The following GATD3 variants were observed in gnomAD, a reference collection of about 807,000 sequenced individuals.
GATD3 encodes the protein glutamine amidotransferase-like class 1 domain-containing protein 3, mitochondrial.
At chr21:44,139,588 C>T in the GATD3 span, among the ~76,000 whole-genome samples, 11 of 73,526 alleles carry the variant, frequency 1.5e-4, 2 homozygotes, top group African/African-American at 2.7e-4. Context: ...AGTATGGACC[C>T]GGGGTAGCGT....
At chr21:44,145,628 T>C in the GATD3 span, 2 of 398,486 alleles carry the variant, frequency 5.0e-6, 1 homozygote, top group Non-Finnish European at 7.2e-6. Flanking sequence ...GGAGTGATGG[T>C]AGCGTTGGTG....
At chr21:44,139,904 C>T in the GATD3 span, among the ~76,000 whole-genome samples, 322 of 131,738 alleles carry the variant, frequency 2.4e-3, 3 homozygotes, top group African/African-American at 8.1e-3. Context: ...ACACAGCCAA[C>T]GTCGTAACAG....
At chr21:44,142,517 T>C in the GATD3 span, among the ~76,000 whole-genome samples, 6 of 71,464 alleles carry the variant, frequency 8.4e-5, 3 homozygotes, top group South Asian at 7.7e-4. Context: ...CTGAAGGCCC[T>C]GCTGTGGGCA....
chr21:44,144,799 CT>C, the GATD3 span: 30 of 91,184 alleles, frequency 3.3e-4, 2 homozygotes, highest in Middle Eastern at 5.8e-3. Context: ...TGCTGGGTGG[CT>C]TTTTCCGTAA....
the GATD3 span, chr21:44,133,762 C>G: frequency 1.1e-5 from 6 of 554,032 alleles, 2 homozygotes; most frequent in Non-Finnish European, 1.7e-5. Flanking sequence ...ACGTCCCTGT[C>G]CCCCGGCGGT....
At chr21:44,139,579 G>A in the GATD3 span, among the ~76,000 whole-genome samples, 8 of 73,680 alleles carry the variant, frequency 1.1e-4, 2 homozygotes, top group African/African-American at 1.8e-4. Flanking sequence ...AGTTCCAACA[G>A]TATGGACCCG....
the GATD3 span, among the ~76,000 whole-genome samples, chr21:44,142,551 CTG>C: frequency 1.2e-4 from 9 of 74,576 alleles, 2 homozygotes; most frequent in African/African-American, 2.6e-4. Context: ...ACAGGGGCCT[CTG>C]TTGACTTGGC....
the GATD3 span, among the ~76,000 whole-genome samples, chr21:44,142,754 G>C: frequency 1.5e-4 from 11 of 74,572 alleles, 5 homozygotes; most frequent in Non-Finnish European, 4.0e-4. Context: ...CCTGTAGAAG[G>C]GGGGCTGGTG....
chr21:44,144,304 A>G, the GATD3 span, among the ~76,000 whole-genome samples: 1 of 70,442 alleles, frequency 1.4e-5, no homozygotes, highest in African/African-American at 3.2e-5. Flanking sequence ...CAGTGGTTAC[A>G]TGCATGGTGT....
chr21:44,141,970 C>G, the GATD3 span, among the ~76,000 whole-genome samples: 2 of 51,400 alleles, frequency 3.9e-5, 1 homozygote, highest in Non-Finnish European at 1.0e-4. Context: ...TCAGGACATG[C>G]AGTTTTGGGG....
chr21:44,139,665 A>G, the GATD3 span, among the ~76,000 whole-genome samples: 3 of 73,980 alleles, frequency 4.1e-5, 1 homozygote, highest in African/African-American at 8.9e-5. Context: ...AAACTGTCTG[A>G]GCCTCTGGAA....
chr21:44,142,700 T>G, the GATD3 span, among the ~76,000 whole-genome samples: 64 of 76,356 alleles, frequency 8.4e-4, 14 homozygotes, highest in African/African-American at 1.7e-3. Context: ...AGAGTTGTGC[T>G]GCAGGTCGGA....
chr21:44,142,664 G>A, the GATD3 span, among the ~76,000 whole-genome samples: 1 of 75,972 alleles, frequency 1.3e-5, no homozygotes, highest in African/African-American at 2.9e-5. Flanking sequence ...GGTCAGGGGC[G>A]TGCGTCCACC....
At chr21:44,141,180 C>A in the GATD3 span, 3 of 534,870 alleles carry the variant, frequency 5.6e-6, 1 homozygote, top group Non-Finnish European at 8.5e-6. Flanking sequence ...ACTTAAGGAC[C>A]TGCCTGGTCA....
the GATD3 span, among the ~76,000 whole-genome samples, chr21:44,139,908 G>A: frequency 1.6e-5 from 2 of 128,796 alleles, no homozygotes; most frequent in South Asian, 2.6e-4. Flanking sequence ...AGCCAACGTC[G>A]TAACAGAAAG....
the GATD3 span, among the ~76,000 whole-genome samples, chr21:44,142,942 C>T: frequency 3.8e-5 from 1 of 26,444 alleles, no homozygotes; most frequent in Non-Finnish European, 1.6e-4. Flanking sequence ...GGGGGTTCCC[C>T]TCAGGGGTCC....
the GATD3 span, among the ~76,000 whole-genome samples, chr21:44,139,544 A>G: frequency 7.0e-5 from 5 of 71,174 alleles, 2 homozygotes; most frequent in African/African-American, 9.2e-5. Flanking sequence ...TGCACCACGC[A>G]GGGGTCGCTG....
At chr21:44,134,590 T>TA in the GATD3 span, among the ~76,000 whole-genome samples, 4 of 54,854 alleles carry the variant, frequency 7.3e-5, 1 homozygote, top group African/African-American at 1.5e-4. Context: ...TATTCTTGGC[T>TA]AAAAAAAAGC....
At chr21:44,139,713 C>T in the GATD3 span, among the ~76,000 whole-genome samples, 2 of 80,264 alleles carry the variant, frequency 2.5e-5, no homozygotes, top group South Asian at 6.6e-4. Context: ...CCCACAACCC[C>T]GTTTGCTGGC....
Sources: allele counts gnomAD v4.1 joint callset (sites outside exome capture counted in the v4.1 genomes callset), GRCh38; gene constraint gnomAD v4.1.1; transcripts MANE v1.5; gene names NCBI Gene and HGNC (gene_info 2026-07-23, HGNC 2026-07-21).